CSMD3: variants seen among roughly 807,000 people sequenced by gnomAD.
CSMD3 encodes CUB and sushi domain-containing protein 3.
In CSMD3, 177 loss-of-function variants were observed where a neutral mutation model predicts 435.2. The observed-to-expected ratio is 0.41, with a 90% CI of 0.36 to 0.46. CSMD3 has a LOEUF of 0.46. Among genes scored for constraint, CSMD3 ranks in the 20% least tolerant of loss-of-function variants. The pLI is 0.34. For synonymous variants in CSMD3, 1,656 were observed against 1,520.5 expected (o/e 1.09, Z -2.07); for missense variants, 4,265 against 4,504.6 (o/e 0.95, Z 1.52).
intron 11 of CSMD3, among the ~76,000 whole-genome samples, chr8:112,847,960 C>T (rs1266035530): frequency 6.6e-6 from 1 of 151,942 alleles, no homozygotes; most frequent in Admixed American, 6.6e-5. Context: ...ATAATTTTAC[C>T]TTCATTATAA....
At position 112,405,145 on chromosome 8, in the gene CSMD3, C is replaced by T. The variant is rs530915363; in HGVS notation, c.5809+1379G>A. Among the ~76,000 whole-genome samples, 5 of 130,046 alleles carry T rather than the reference C, an allele frequency of 3.8e-5. 1 individual carries two copies. Among genetic ancestry groups the T allele is most frequent in the East Asian group, 2.4e-4 (1 of 4,142 alleles). The allele number at this position is 130,046 out of a possible 152,430, so 85.3% of individuals were successfully genotyped here. A position where few individuals can be genotyped will look rare whatever the true frequency, so the allele number is the denominator to read the frequency against. ...TTGCAAGGGAGCTGTAATCATGCCACGGCCTTCCAGCCTGAGCGACACAGC... is the reference window on the plus strand; with the variant it reads ...TTGCAAGGGAGCTGTAATCATGCCATGGCCTTCCAGCCTGAGCGACACAGC... On this transcript the variant is annotated intron_variant, in intron 35 of 70. Coordinates refer to ENST00000297405, the MANE Select transcript of CSMD3 (RefSeq NM_198123.2).
chr8:113,057,592 C>A (rs1173273302), intron 5 of CSMD3, among the ~76,000 whole-genome samples: 1 of 151,836 alleles, frequency 6.6e-6, no homozygotes, highest in African/African-American at 2.4e-5. Flanking sequence ...TTATCCAGAA[C>A]ACAAATTTCA....
chr8:112,480,819 T>C (rs1422166534), intron 31 of CSMD3, among the ~76,000 whole-genome samples: 2 of 152,332 alleles, frequency 1.3e-5, no homozygotes, highest in East Asian at 3.9e-4. Context: ...TTTATAGTAA[T>C]GCAAACAGAC....
Position 113,348,248 on chromosome 8 carries a change from T to C in CSMD3, c.179-33455A>G, listed in dbSNP as rs376283602. Reference sequence around the variant, plus strand: ...GCTCTTCTAAATTGTTTGACATGCATTGTCTTCATAAGTAGTTTTTATCAC... The same window carrying C: ...GCTCTTCTAAATTGTTTGACATGCACTGTCTTCATAAGTAGTTTTTATCAC... On this transcript the variant is annotated intron_variant, in intron 1 of 70. Coordinates refer to ENST00000297405, the MANE Select transcript of CSMD3 (RefSeq NM_198123.2). Among the ~76,000 whole-genome samples the C allele has an allele frequency of 1.5e-4, 23 of 152,298 alleles. 1 individual carries two copies. In the South Asian group the frequency reaches 3.3e-3, roughly 22 times the overall value.
intron 13 of CSMD3, among the ~76,000 whole-genome samples, chr8:112,796,992 A>G (rs2078845238): frequency 6.6e-6 from 1 of 151,990 alleles, no homozygotes; most frequent in Non-Finnish European, 1.5e-5. Context: ...AATTAACTAA[A>G]TTTAGAATTA....
chr8:112,634,010 G>A (rs990520658), intron 22 of CSMD3, among the ~76,000 whole-genome samples: 5 of 151,940 alleles, frequency 3.3e-5, no homozygotes, highest in African/African-American at 1.2e-4. Context: ...TTAAAATTTG[G>A]CTATTGTTAA....
At chr8:112,980,906 T>G (rs1288802615) in intron 6 of CSMD3, among the ~76,000 whole-genome samples, 1 of 151,450 alleles carries the variant, frequency 6.6e-6, no homozygotes, top group Non-Finnish European at 1.5e-5. Flanking sequence ...AATATGCAAT[T>G]TAGAAAAGAG....
chr8:113,070,235 T>C (rs1467940482), intron 5 of CSMD3, among the ~76,000 whole-genome samples: 1 of 152,070 alleles, frequency 6.6e-6, no homozygotes, highest in Non-Finnish European at 1.5e-5. Context: ...GACTTGTACA[T>C]AAATTCCACA....
At chr8:112,457,507 A>G (rs1331304576) in intron 32 of CSMD3, among the ~76,000 whole-genome samples, 3 of 152,212 alleles carry the variant, frequency 2.0e-5, no homozygotes, top group Non-Finnish European at 4.4e-5. Context: ...AATGTCTTTT[A>G]AAGCTCTTAT....
At chr8:113,093,923 T>C (rs2090084650) in intron 5 of CSMD3, among the ~76,000 whole-genome samples, 2 of 152,162 alleles carry the variant, frequency 1.3e-5, no homozygotes, top group African/African-American at 4.8e-5. Context: ...GATAACCATA[T>C]TGTTCCCTTG....
intron 2 of CSMD3, among the ~76,000 whole-genome samples, chr8:113,296,459 G>A (rs548459999): frequency 1.8e-4 from 28 of 152,126 alleles, no homozygotes; most frequent in African/African-American, 6.5e-4. Context: ...AGGAGGCAGA[G>A]GTTGCAGTGA....
chr8:112,307,457 T>G (rs562329441), intron 50 of CSMD3, among the ~76,000 whole-genome samples: 12 of 152,142 alleles, frequency 7.9e-5, no homozygotes, highest in Admixed American at 5.9e-4. Flanking sequence ...AATATTTGTA[T>G]TTTTTTGTAG....
At chr8:112,564,054 A>G (rs1309429541) in intron 24 of CSMD3, among the ~76,000 whole-genome samples, 2 of 152,074 alleles carry the variant, frequency 1.3e-5, no homozygotes, top group Non-Finnish European at 2.9e-5. Flanking sequence ...TTCATTTCTT[A>G]ATACCTATCA....
chr8:113,395,064 G>C (rs1175234935), intron 1 of CSMD3, among the ~76,000 whole-genome samples: 1 of 149,596 alleles, frequency 6.7e-6, no homozygotes, highest in Non-Finnish European at 1.5e-5. Context: ...TATATCCAAC[G>C]TGATACTGTT....
chr8:112,587,918 T>C (rs142369620), intron 22 of CSMD3, among the ~76,000 whole-genome samples: 1,892 of 151,954 alleles, frequency 0.012, 24 homozygotes, highest in South Asian at 0.031. Context: ...AGGACTAATT[T>C]TGCAAAATTT....
intron 5 of CSMD3, among the ~76,000 whole-genome samples, chr8:113,070,339 T>C (rs553749128): frequency 2.6e-5 from 4 of 152,168 alleles, no homozygotes; most frequent in Admixed American, 1.3e-4. Context: ...TAAAAAATCA[T>C]TTGTTAGTAA....
intron 3 of CSMD3, among the ~76,000 whole-genome samples, chr8:113,275,958 GA>G (rs1269512602): frequency 6.6e-6 from 1 of 151,814 alleles, no homozygotes; most frequent in African/African-American, 2.4e-5. Context: ...GGTAACTGCA[GA>G]AAAAAAACTG....
At chr8:113,367,131 T>C (rs1238352023) in intron 1 of CSMD3, among the ~76,000 whole-genome samples, 5 of 151,896 alleles carry the variant, frequency 3.3e-5, no homozygotes, top group African/African-American at 1.2e-4. Context: ...TTTCCCTAAA[T>C]TGAATGAATG....
chr8:113,107,222 C>T (rs2090505709), intron 4 of CSMD3, among the ~76,000 whole-genome samples: 1 of 152,200 alleles, frequency 6.6e-6, no homozygotes, highest in Admixed American at 6.5e-5. Flanking sequence ...TCAGGCAGGG[C>T]CTGATCCATG....
Sources: allele counts gnomAD v4.1 joint callset (sites outside exome capture counted in the v4.1 genomes callset), GRCh38; gene constraint gnomAD v4.1.1; transcripts MANE v1.5; gene names NCBI Gene and HGNC (gene_info 2026-07-23, HGNC 2026-07-21).